The following ATXN7 variants were observed in gnomAD, a reference collection of about 807,000 sequenced individuals.
ATXN7 encodes the protein ataxin 7.
Under a neutral mutation model 70.5 loss-of-function variants are expected in ATXN7, and 12 were observed. The ratio of observed to expected loss-of-function variants is 0.17; its 90% CI spans 0.11 to 0.28. The LOEUF is 0.28. ATXN7 is among the 10% of genes least tolerant of loss of function. The probability of loss-of-function intolerance (pLI) is 1.00; values close to 1 mark genes in which losing one functional copy is unlikely to be tolerated. For synonymous variants in ATXN7, 498 were observed against 448.7 expected, an observed-to-expected ratio of 1.11 and a Z score of -1.39; for missense variants, 1,256 against 1,131.7, an observed-to-expected ratio of 1.11 and a Z score of -1.58.
intron 4 of ATXN7, among the ~76,000 whole-genome samples, chr3:63,930,405 C>T (rs1460040490): frequency 6.6e-6 from 1 of 152,164 alleles, no homozygotes; most frequent in African/African-American, 2.4e-5. Flanking sequence ...TTGTGTGTAG[C>T]CCCTCCACAG....
chr3:63,931,009 G>A (rs1704932137), intron 4 of ATXN7, among the ~76,000 whole-genome samples: 1 of 152,200 alleles, frequency 6.6e-6, no homozygotes, highest in Non-Finnish European at 1.5e-5. Context: ...GAATGATGCT[G>A]TTTCAAAGAA....
Position 63,898,421 on chromosome 3 carries a change from C to T in ATXN7, c.-88C>T, listed in dbSNP as rs764965177. 3.9e-5 allele frequency: 6 copies of T among 152,152 alleles called. No homozygotes were observed. Among genetic ancestry groups the T allele is most frequent in the Non-Finnish European group, 5.9e-5 (4 of 68,036 alleles). 9.4% of individuals were successfully genotyped at this position (152,152 alleles called of 1,614,324 possible). ...CAGATCTGAACAGAATTAAGACGAA[C>T]GAGCTTTCACAATTGCAGCAGATGA... On this transcript the variant is annotated 5_prime_UTR_variant, in exon 2 of 13. In the 5' UTR this introduces an upstream ATG that the reference lacks. Coordinates refer to ENST00000674280, the MANE Select transcript of ATXN7 (RefSeq NM_001377405.1).
rs2075751576 is a variant in ATXN7 at position 63,995,943 on chromosome 3, C to G, written c.2121C>G (p.Arg707=). ...CCAGTGGCGGCTCAGGAAAGAAACG[C>G]AAAAACAGTTCCCCACTGTTGGTTC... ...SSTSGGSGKK[R]KNSSPLLVHS... is the part of the protein sequence containing the mutation. The change falls in exon 12 of 13, where the codon CGC becomes CGG. Residue 707 remains arginine, a synonymous_variant. Transcript: ENST00000674280. 1 of 1,614,070 alleles carries G rather than the reference C, an allele frequency of 6.2e-7. No homozygotes were observed. Among genetic ancestry groups the G allele is most frequent in the Non-Finnish European group, 8.5e-7 (1 of 1,180,038 alleles).
intron 5 of ATXN7, among the ~76,000 whole-genome samples, chr3:63,964,691 C>G (rs1163535198): frequency 6.6e-6 from 1 of 152,218 alleles, no homozygotes; most frequent in East Asian, 1.9e-4. Flanking sequence ...CCCACCTCTC[C>G]TAATCCAGTG....
At chr3:63,903,156 A>G (rs1490040227) in intron 2 of ATXN7, among the ~76,000 whole-genome samples, 1 of 152,036 alleles carries the variant, frequency 6.6e-6, no homozygotes, top group African/African-American at 2.4e-5. Context: ...GCACTTTGGG[A>G]GGCCGAGGCG....
Position 63,986,564 on chromosome 3 carries a change from T to C in ATXN7, c.1096-1495T>C, listed in dbSNP as rs139564238. ...ACACGTTGGAGGGCCATTATTTTTA[T>C]AAACTTTTTGTTTGAAGCATTTGAG... is the stretch of plus-strand genomic sequence containing the variant. On this transcript the variant is annotated intron_variant, in intron 8 of 12. Transcript: ENST00000674280. Among the ~76,000 whole-genome samples, 51 of 152,344 alleles carry C rather than the reference T, an allele frequency of 3.3e-4. 1 individual carries two copies. The East Asian group carries it at 7.7e-3, about 23-fold the overall frequency.
Position 63,912,676 on chromosome 3 carries a change from G to C in ATXN7, c.78G>C (p.Ala26=), listed in dbSNP as rs1285788847. 2 of 1,063,084 alleles carry C rather than the reference G, an allele frequency of 1.9e-6. No individual in the cohort carries two copies. Among genetic ancestry groups the C allele is most frequent in the Admixed American group, 1.1e-4 (2 of 18,358 alleles). 65.9% of individuals were successfully genotyped at this position (1,063,084 alleles called of 1,614,324 possible). ...AAAAAGGAAA[A]AARQQQQQQQ... Reference sequence around the variant, plus strand: ...CGGCGGCGGGCGGAGCAGCGGCCGCGGCCGCCCGGCAGCAGCAGCAGCAGC... The same window carrying C: ...CGGCGGCGGGCGGAGCAGCGGCCGCCGCCGCCCGGCAGCAGCAGCAGCAGC... The change falls in exon 3 of 13, where the codon GCG becomes GCC. Residue 26 remains alanine (A), a synonymous_variant. Transcript: ENST00000674280.
intron 3 of ATXN7, 66 bp downstream of exon 3, chr3:63,912,989 CCCTGCCCCCCT>C (rs1704112431): frequency 7.1e-7 from 1 of 1,416,876 alleles, no homozygotes; most frequent in Non-Finnish European, 9.6e-7. Context: ...CTCCCCTCCC[CCCTGCCCCCCT>C]CCTGTGACCC....
intron 2 of ATXN7, among the ~76,000 whole-genome samples, chr3:63,898,930 C>A (rs372179120): frequency 2.0e-5 from 3 of 152,204 alleles, no homozygotes; most frequent in African/African-American, 7.2e-5. Context: ...ATCAGCAAGA[C>A]TGTAAAACAG....
chr3:63,993,419 C>CA (rs1241367320), intron 11 of ATXN7, among the ~76,000 whole-genome samples: 1 of 149,728 alleles, frequency 6.7e-6, no homozygotes, highest in Non-Finnish European at 1.5e-5. Flanking sequence ...CACTGCACTC[C>CA]AGCCTGGGGG....
intron 2 of ATXN7, chr3:63,901,049 C>G (rs1383437091): frequency 6.6e-6 from 1 of 152,314 alleles, no homozygotes; most frequent in East Asian, 1.9e-4. Context: ...GCTATGTTCT[C>G]TTATGGTCAC....
chr3:63,865,922 A>AAAAAAAG (rs1702409054), intron 1 of ATXN7, among the ~76,000 whole-genome samples: 1 of 149,584 alleles, frequency 6.7e-6, no homozygotes. Flanking sequence ...AAAAAAAAAA[A>AAAAAAAG]AAAGAAAGTA....
chr3:63,913,129 C>T lies in ATXN7; in HGVS notation c.326-28C>T, dbSNP rs371148951. ...CTCCTGGCCACTGACCTGCCTCTCC[C>T]CTCCTCCTGTGTGTGTATATCTCCT... is the stretch of plus-strand genomic sequence containing the variant. On this transcript the variant is annotated intron_variant, in intron 3 of 12. Coordinates refer to ENST00000674280, the MANE Select transcript of ATXN7 (RefSeq NM_001377405.1). The T allele has an allele frequency of 2.0e-4, 320 of 1,609,440 alleles. 1 individual carries two copies. The African/African-American group carries it at 3.2e-3, about 16-fold the overall frequency.
chr3:63,891,785 A>G (rs1459430712), intron 1 of ATXN7, among the ~76,000 whole-genome samples: 1 of 152,224 alleles, frequency 6.6e-6, no homozygotes, highest in Non-Finnish European at 1.5e-5. Flanking sequence ...GGCTTAGTAG[A>G]AGTGGAAGCA....
chr3:63,887,315 C>A (rs1424399688), intron 1 of ATXN7, among the ~76,000 whole-genome samples: 1 of 152,124 alleles, frequency 6.6e-6, no homozygotes, highest in South Asian at 2.1e-4. Flanking sequence ...TTCTGGAATT[C>A]TTTTTGTCTC....
intron 1 of ATXN7, among the ~76,000 whole-genome samples, chr3:63,880,487 G>A (rs1702877510): frequency 6.6e-6 from 1 of 152,174 alleles, no homozygotes; most frequent in South Asian, 2.1e-4. Flanking sequence ...ATTGCCTAGA[G>A]GAAGGATGAT....
chr3:64,000,107 G>T lies in ATXN7; in HGVS notation c.*640G>T, dbSNP rs1332833435. 6.6e-6 allele frequency: 1 copy of T among 152,658 alleles called. No homozygotes were observed. The highest frequency in any genetic ancestry group is 1.9e-4 in the East Asian group (1 of 5,190). The allele number at this position is 152,658 out of a possible 1,614,324, so 9.5% of individuals were successfully genotyped here. ...TTTTGAGAGTAATTTGGGAAAAGAA[G>T]CTGTCAGAAGTTTCTAACTTACAAA... On this transcript the variant is annotated 3_prime_UTR_variant, in exon 13 of 13. Coordinates refer to ENST00000674280, the MANE Select transcript of ATXN7 (RefSeq NM_001377405.1).
At chr3:63,964,736 A>G (rs1403612742) in intron 5 of ATXN7, among the ~76,000 whole-genome samples, 1 of 152,200 alleles carries the variant, frequency 6.6e-6, no homozygotes, top group African/African-American at 2.4e-5. Context: ...ATAACATAGC[A>G]ACATTTCTAG....
chr3:63,928,030 G>A (rs1054132189), intron 4 of ATXN7, among the ~76,000 whole-genome samples: 2 of 152,152 alleles, frequency 1.3e-5, no homozygotes, highest in Admixed American at 6.5e-5. Flanking sequence ...TTGTAGTTAC[G>A]CTAGGGTAAC....
Sources: gnomAD v4.1 joint callset for allele counts (sites outside exome capture counted in the v4.1 genomes callset) on GRCh38, gnomAD v4.1.1 for gene constraint, MANE v1.5 for transcripts, NCBI Gene and HGNC (gene_info 2026-07-23, HGNC 2026-07-21) for gene names.